AP3B1: variants seen among roughly 807,000 people sequenced by gnomAD.
AP3B1 encodes adaptor related protein complex 3 subunit beta 1.
In AP3B1, 61 loss-of-function variants were observed where a neutral mutation model predicts 132.5. The ratio of observed to expected loss-of-function variants is 0.46; its 90% CI spans 0.37 to 0.57. The LOEUF (loss-of-function observed/expected upper bound fraction) is 0.57, where lower values mean the gene tolerates loss of function less well. AP3B1 is among the 20% of genes least tolerant of loss of function. The probability of loss-of-function intolerance (pLI) is 0.00; values close to 1 mark genes in which losing one functional copy is unlikely to be tolerated. For synonymous variants in AP3B1, 388 were observed against 438.3 expected (o/e 0.89, Z 1.43); for missense variants, 1,120 against 1,289.4 (o/e 0.87, Z 2.01).
At chr5:78,287,283 A>G (rs1234706572) in intron 1 of AP3B1, among the ~76,000 whole-genome samples, 1 of 152,160 alleles carries the variant, frequency 6.6e-6, no homozygotes, top group Non-Finnish European at 1.5e-5. Context: ...TAAAAATAAC[A>G]TATCCTACTG....
chr5:78,058,560 A>G (rs916715475), intron 22 of AP3B1, among the ~76,000 whole-genome samples: 2 of 152,220 alleles, frequency 1.3e-5, no homozygotes, highest in Non-Finnish European at 2.9e-5. Context: ...ATTTTTAAAT[A>G]TAAGTGTTAA....
At chr5:78,114,719 G>C (rs1751750674) in intron 18 of AP3B1, among the ~76,000 whole-genome samples, 1 of 152,148 alleles carries the variant, frequency 6.6e-6, no homozygotes, top group South Asian at 2.1e-4. Flanking sequence ...TCTTAGGCAG[G>C]AACATAACCT....
intron 22 of AP3B1, among the ~76,000 whole-genome samples, chr5:78,072,590 T>C (rs964394597): frequency 3.9e-5 from 6 of 152,008 alleles, no homozygotes; most frequent in Non-Finnish European, 8.8e-5. Flanking sequence ...AGGGGAAAAG[T>C]CATAAATTCA....
intron 3 of AP3B1, among the ~76,000 whole-genome samples, chr5:78,237,257 A>G: frequency 6.6e-6 from 1 of 152,198 alleles, no homozygotes; most frequent in East Asian, 1.9e-4. Context: ...GCACTTTGGG[A>G]GGCCAAGGCA....
At chr5:78,170,483 T>G (rs1326273259) in intron 11 of AP3B1, among the ~76,000 whole-genome samples, 1 of 152,238 alleles carries the variant, frequency 6.6e-6, no homozygotes, top group Non-Finnish European at 1.5e-5. Context: ...ATTGTGGTTT[T>G]GATTTGCATT....
chr5:78,186,852 C>G (rs1335711152), intron 7 of AP3B1, among the ~76,000 whole-genome samples: 1 of 152,130 alleles, frequency 6.6e-6, no homozygotes, highest in African/African-American at 2.4e-5. Flanking sequence ...TAAATCTTGA[C>G]ATAAATATCA....
At chr5:78,003,423 G>A (rs1746264470) in intron 26 of AP3B1, 2 of 620,044 alleles carry the variant, frequency 3.2e-6, no homozygotes, top group South Asian at 7.2e-5. Flanking sequence ...ATAAGCCATT[G>A]TATTTTTATT....
chr5:78,020,668 T>C, intron 25 of AP3B1, 24 bp downstream of exon 25: 1 of 1,542,736 alleles, frequency 6.5e-7, no homozygotes, highest in Non-Finnish European at 9.0e-7. Flanking sequence ...TGTAAATTTC[T>C]AGTAAGTTGT....
intron 9 of AP3B1, 106 bp from the exon 10 acceptor site, chr5:78,175,944 G>A (rs751478088): frequency 1.1e-6 from 1 of 908,390 alleles, no homozygotes; most frequent in Non-Finnish European, 1.8e-6. Flanking sequence ...AAGTGAATGA[G>A]ACTCTTAAAT....
At chr5:78,285,112 G>A (rs543766864) in intron 1 of AP3B1, among the ~76,000 whole-genome samples, 14 of 150,640 alleles carry the variant, frequency 9.3e-5, no homozygotes, top group Non-Finnish European at 1.9e-4. Flanking sequence ...AGCTGGGCGT[G>A]GTGGAGGGCG....
intron 20 of AP3B1, among the ~76,000 whole-genome samples, chr5:78,108,542 C>T (rs1197799793): frequency 6.6e-6 from 1 of 152,098 alleles, no homozygotes; most frequent in East Asian, 1.9e-4. Flanking sequence ...GAAAATAAGC[C>T]ACCTAAGGGA....
chr5:78,193,770 A>ATTTTTTTTTTTTTT (rs35190275), intron 7 of AP3B1, among the ~76,000 whole-genome samples: 3 of 67,216 alleles, frequency 4.5e-5, no homozygotes, highest in African/African-American at 1.0e-4. Context: ...ATATATATAT[A>ATTTTTTTTTTTTTT]TTTTTTTTTT....
chr5:78,235,238 A>G (rs764229092), intron 3 of AP3B1, among the ~76,000 whole-genome samples: 1 of 152,200 alleles, frequency 6.6e-6, no homozygotes, highest in Admixed American at 6.5e-5. Flanking sequence ...AGTTCTCTGG[A>G]AAGTTTTGAG....
rs1419109983 is a variant in AP3B1, at chr5:78,193,764, A to ATTTTTT, written c.787-12103_787-12102insAAAAAA. On this transcript the variant is annotated intron_variant, in intron 7 of 26. Coordinates refer to ENST00000255194, the MANE Select transcript of AP3B1 (RefSeq NM_003664.5). The stretch of plus-strand genomic sequence containing the variant: ...TTTTTTTATATATATATATATATAT[A>ATTTTTT]TATATATTTTTTTTTTAGACAGAGT... 2.5e-3 allele frequency among the ~76,000 whole-genome samples: 264 copies of ATTTTTT among 104,958 alleles called. 4 individuals carry two copies. Among genetic ancestry groups the ATTTTTT allele is most frequent in the African/African-American group, 8.7e-3 (250 of 28,814 alleles). 68.9% of individuals were successfully genotyped at this position (104,958 alleles called of 152,430 possible).
intron 2 of AP3B1, among the ~76,000 whole-genome samples, chr5:78,259,421 A>G (rs943859024): frequency 2.6e-5 from 4 of 152,202 alleles, no homozygotes; most frequent in African/African-American, 7.2e-5. Context: ...GGGTACAAAC[A>G]TAACAGAATG....
In AP3B1 at chr5:78,083,222, A is replaced by G. The variant is rs1580323805; in HGVS notation, c.2577+6171T>C. Among the ~76,000 whole-genome samples the G allele has an allele frequency of 2.6e-5, 4 of 152,384 alleles. No individual in the cohort carries two copies. The South Asian group carries it at 6.2e-4, about 24-fold the overall frequency. On this transcript the variant is annotated intron_variant, in intron 22 of 26. Coordinates refer to ENST00000255194, the MANE Select transcript of AP3B1 (RefSeq NM_003664.5). ...TATATTTTCTTACACAACTAGTTTG[A>G]TAAGAAACAAAAAACGCAAAGGATG...
intron 2 of AP3B1, among the ~76,000 whole-genome samples, chr5:78,259,618 A>G (rs1157119259): frequency 6.6e-6 from 1 of 152,176 alleles, no homozygotes; most frequent in East Asian, 1.9e-4. Context: ...CTGTATTAAA[A>G]CATCTCATGT....
At chr5:78,129,047 G>C (rs1752583897) in intron 16 of AP3B1, 74 bp downstream of exon 16, 1 of 1,230,988 alleles carries the variant, frequency 8.1e-7, no homozygotes, top group Admixed American at 2.2e-5. Context: ...TAAATTTTAA[G>C]CACATTAGAA....
At chr5:78,259,224 GT>G (rs1350253563) in intron 2 of AP3B1, among the ~76,000 whole-genome samples, 1 of 150,660 alleles carries the variant, frequency 6.6e-6, no homozygotes, top group African/African-American at 2.4e-5. Flanking sequence ...CTCCAGACTG[GT>G]GACAGAGCAA....
Sources: gnomAD v4.1 joint callset for allele counts (sites outside exome capture counted in the v4.1 genomes callset) on GRCh38, gnomAD v4.1.1 for gene constraint, MANE v1.5 for transcripts, NCBI Gene and HGNC (gene_info 2026-07-23, HGNC 2026-07-21) for gene names.